The following MYH10 variants were observed in gnomAD, a reference collection of about 807,000 sequenced individuals.
MYH10 encodes myosin-10.
A neutral mutation model predicts 257.8 loss-of-function variants in MYH10; 55 were observed. The observed-to-expected ratio is 0.21, with a 90% CI of 0.17 to 0.27. MYH10 has a LOEUF of 0.27. MYH10 is among the 10% of genes least tolerant of loss of function. MYH10 has a pLI of 1.00. For synonymous variants in MYH10, 854 were observed against 921.7 expected, an observed-to-expected ratio of 0.93 and a Z score of 1.33; for missense variants, 1,631 against 2,500.6, an observed-to-expected ratio of 0.65 and a Z score of 7.42.
At chr17:8,499,574 G>GT (rs1491474398) in intron 29 of MYH10, 98 bp from the exon 30 acceptor site, 1 of 1,045,726 alleles carries the variant, frequency 9.6e-7, no homozygotes, top group Non-Finnish European at 1.4e-6. Flanking sequence ...CTAACACACA[G>GT]TGAGTCTGTA....
At chr17:8,489,634 G>A (rs1281906595) in intron 35 of MYH10, among the ~76,000 whole-genome samples, 1 of 151,536 alleles carries the variant, frequency 6.6e-6, no homozygotes, top group Non-Finnish European at 1.5e-5. Context: ...AATCTGGGAG[G>A]CAGAGGTTGC....
At chr17:8,609,500 T>C (rs1220385682) in intron 2 of MYH10, among the ~76,000 whole-genome samples, 1 of 152,158 alleles carries the variant, frequency 6.6e-6, no homozygotes, top group East Asian at 1.9e-4. Context: ...GGAAATTATC[T>C]ATAAAATAAC....
chr17:8,493,856 T>C lies in MYH10; in HGVS notation c.4086A>G (p.Lys1362=). The C allele has an allele frequency of 1.2e-6, 2 of 1,611,662 alleles. No individual in the cohort carries two copies. The highest frequency in any genetic ancestry group is 1.7e-6 in the Non-Finnish European group (2 of 1,179,134). The change falls in exon 32 of 43, where the codon AAA becomes AAG. Residue 1362 remains lysine, a synonymous_variant. Transcript: ENST00000360416. Reference sequence around the variant, plus strand: ...GCCGGATCCGACTGCTCAGGTTTAGTTTCTGGCGTGTCTCCTCCTGAAGAA... The same window carrying C: ...GCCGGATCCGACTGCTCAGGTTTAGCTTCTGGCGTGTCTCCTCCTGAAGAA... ...QELLQEETRQ[K]LNLSSRIRQL... is the part of the protein sequence containing the mutation.
Position 8,499,273 on chromosome 17 carries a change from C to T in MYH10, c.3948G>A (p.Leu1316=), listed in dbSNP as rs1917153389. 1.9e-6 allele frequency: 3 copies of T among 1,601,758 alleles called. No individual in the cohort carries two copies. The highest frequency in any genetic ancestry group is 2.6e-6 in the Non-Finnish European group (3 of 1,173,618). The part of the protein sequence containing the change: ...RVELAEKASK[L]QNELDNVSTL... Reference sequence around the variant, plus strand: ...AGAGCGGAGGTTTCTGGCTTACCTGCAGCTTACTTGCTTTCTCCGCCAGCT... The same window carrying T: ...AGAGCGGAGGTTTCTGGCTTACCTGTAGCTTACTTGCTTTCTCCGCCAGCT... Residue 1316 remains leucine (L), a synonymous_variant, in exon 30 of 43, where the codon CTG becomes CTA. Coordinates refer to ENST00000360416, the MANE Select transcript of MYH10 (RefSeq NM_001256012.3).
At chr17:8,502,480 T>TTGTGTGTGTCTG (rs1555574942) in intron 28 of MYH10, among the ~76,000 whole-genome samples, 1 of 150,142 alleles carries the variant, frequency 6.7e-6, no homozygotes, top group Non-Finnish European at 1.5e-5. Flanking sequence ...GGGAAAATAG[T>TTGTGTGTGTCTG]TGTGTGTGTG....
At chr17:8,620,185 A>C (rs2085412687) in intron 2 of MYH10, among the ~76,000 whole-genome samples, 1 of 152,214 alleles carries the variant, frequency 6.6e-6, no homozygotes, top group African/African-American at 2.4e-5. Flanking sequence ...AGCTGACAAT[A>C]TACTACACAA....
chr17:8,625,559 A>G (rs1298108778), intron 1 of MYH10, among the ~76,000 whole-genome samples: 1 of 151,752 alleles, frequency 6.6e-6, no homozygotes, highest in Non-Finnish European at 1.5e-5. Flanking sequence ...AGCTCACTGC[A>G]ACCTCTGCCT....
intron 17 of MYH10, among the ~76,000 whole-genome samples, chr17:8,528,502 T>A (rs970699193): frequency 6.6e-6 from 1 of 152,218 alleles, no homozygotes; most frequent in African/African-American, 2.4e-5. Context: ...TTCCTTTCTC[T>A]TCTGTACTTG....
intron 7 of MYH10, chr17:8,561,169 A>G (rs932442150): frequency 2.4e-5 from 16 of 658,514 alleles, no homozygotes; most frequent in Non-Finnish European, 4.3e-5. Context: ...AAAAACAAAC[A>G]AAGGAGAAAT....
chr17:8,491,166 G>C (rs1482206520), intron 34 of MYH10, among the ~76,000 whole-genome samples: 2 of 17,728 alleles, frequency 1.1e-4, no homozygotes, highest in Non-Finnish European at 4.8e-3. Context: ...TGGTGCTGCT[G>C]TGCACCCCCT....
At chr17:8,502,223 C>G (rs753253675) in intron 28 of MYH10, among the ~76,000 whole-genome samples, 3 of 152,210 alleles carry the variant, frequency 2.0e-5, no homozygotes, top group Non-Finnish European at 4.4e-5. Context: ...TCTGCAGGGG[C>G]TGGCTGAGAG....
intron 7 of MYH10, among the ~76,000 whole-genome samples, chr17:8,566,849 C>T (rs549560761): frequency 4.6e-5 from 7 of 152,272 alleles, no homozygotes; most frequent in African/African-American, 1.4e-4. Flanking sequence ...CCTTACACTT[C>T]GTAACAGAAC....
chr17:8,621,165 G>T (rs915413502), intron 2 of MYH10, among the ~76,000 whole-genome samples: 2 of 152,170 alleles, frequency 1.3e-5, no homozygotes, highest in Non-Finnish European at 1.5e-5. Flanking sequence ...CACAGTTTTT[G>T]ATGGTGACAT....
At chr17:8,612,347 A>G (rs1281519810) in intron 2 of MYH10, among the ~76,000 whole-genome samples, 1 of 152,190 alleles carries the variant, frequency 6.6e-6, no homozygotes, top group Non-Finnish European at 1.5e-5. Flanking sequence ...GGCTGCTAGG[A>G]TCTATGGGAA....
intron 29 of MYH10, 58 bp from the exon 30 acceptor site, chr17:8,499,534 G>T: frequency 6.5e-7 from 1 of 1,543,936 alleles, no homozygotes; most frequent in Non-Finnish European, 8.9e-7. Flanking sequence ...TCCATACAGA[G>T]GACTGCTTTT....
intron 28 of MYH10, among the ~76,000 whole-genome samples, chr17:8,503,671 C>A (rs1334112070): frequency 6.6e-6 from 1 of 152,204 alleles, no homozygotes; most frequent in African/African-American, 2.4e-5. Flanking sequence ...TTCACCACAA[C>A]CTGTTTCCCT....
At chr17:8,622,852 C>T in intron 2 of MYH10, 50 bp downstream of exon 2, 1 of 1,572,276 alleles carries the variant, frequency 6.4e-7, no homozygotes, top group Non-Finnish European at 8.7e-7. Flanking sequence ...GTATAATTTA[C>T]ATTAATTCCT....
At chr17:8,584,772 G>A (rs552441580) in intron 4 of MYH10, among the ~76,000 whole-genome samples, 4 of 152,242 alleles carry the variant, frequency 2.6e-5, no homozygotes, top group East Asian at 1.9e-4. Flanking sequence ...TTAAGGAGAT[G>A]CTATCAAACT....
At chr17:8,495,479 AG>A (rs911281700) in intron 30 of MYH10, among the ~76,000 whole-genome samples, 2 of 152,100 alleles carry the variant, frequency 1.3e-5, no homozygotes, top group African/African-American at 4.8e-5. Context: ...TGAAAAGGAC[AG>A]GGGGCGGGGG....
Sources: allele counts gnomAD v4.1 joint callset (sites outside exome capture counted in the v4.1 genomes callset), GRCh38; gene constraint gnomAD v4.1.1; transcripts MANE v1.5; gene names NCBI Gene and HGNC (gene_info 2026-07-23, HGNC 2026-07-21).